The following RAB27B variants were observed in gnomAD, a reference collection of about 807,000 sequenced individuals.
RAB27B encodes the protein ras-related protein Rab-27B.
RAB27B carries 15 observed loss-of-function variants against 24.6 expected under a neutral mutation model. The observed-to-expected ratio is 0.61, with a 90% CI of 0.41 to 0.94. The LOEUF (loss-of-function observed/expected upper bound fraction) is 0.94. Among genes scored for constraint, RAB27B ranks in the 40% least tolerant of loss-of-function variants. The probability of loss-of-function intolerance (pLI) is 0.00; values close to 1 mark genes in which losing one functional copy is unlikely to be tolerated. For synonymous variants in RAB27B, 105 were observed against 92.5 expected (o/e 1.14, Z -0.78); for missense variants, 261 against 266.8 (o/e 0.98, Z 0.15).
At chr18:54,798,715 C>T (rs35622834) in intron 2 of RAB27B, among the ~76,000 whole-genome samples, 3 of 152,324 alleles carry the variant, frequency 2.0e-5, no homozygotes, top group African/African-American at 7.2e-5. Flanking sequence ...TCTGAAACTT[C>T]TAAGTTGCTA....
At chr18:54,743,307 A>G (rs1434831725) in intron 2 of RAB27B, among the ~76,000 whole-genome samples, 1 of 152,220 alleles carries the variant, frequency 6.6e-6, no homozygotes, top group Non-Finnish European at 1.5e-5. Context: ...CATTCAGCCC[A>G]TATTGATTGA....
chr18:54,868,240 C>A (rs959746761), intron 1 of RAB27B, among the ~76,000 whole-genome samples: 6 of 152,138 alleles, frequency 3.9e-5, no homozygotes, highest in African/African-American at 9.7e-5. Flanking sequence ...AGTCAGGAAC[C>A]TTGGCTGTGT....
At chr18:54,797,624 A>T (rs1460368470) in intron 2 of RAB27B, among the ~76,000 whole-genome samples, 3 of 152,202 alleles carry the variant, frequency 2.0e-5, no homozygotes, top group Admixed American at 2.0e-4. Flanking sequence ...CTAAATAAAC[A>T]TCTATCTGTC....
At chr18:54,880,984 A>G (rs995660354) in intron 3 of RAB27B, among the ~76,000 whole-genome samples, 1 of 152,180 alleles carries the variant, frequency 6.6e-6, no homozygotes, top group Non-Finnish European at 1.5e-5. Flanking sequence ...TCCATGTAAG[A>G]TAATGGGTAT....
intron 1 of RAB27B, among the ~76,000 whole-genome samples, chr18:54,838,638 T>G (rs534547223): frequency 6.6e-6 from 1 of 152,264 alleles, no homozygotes; most frequent in East Asian, 1.9e-4. Flanking sequence ...TCTGAACAAA[T>G]ATGTTTTTCA....
At position 54,767,385 on chromosome 18, in the gene RAB27B, T is replaced by C. The variant is rs541370715; in HGVS notation, c.-20+49244T>C. Among the ~76,000 whole-genome samples the C allele has an allele frequency of 7.3e-5, 11 of 151,264 alleles. No individual in the cohort carries two copies. In the South Asian group the frequency reaches 2.3e-3, roughly 32 times the overall value. On this transcript the variant is annotated intron_variant, in intron 2 of 4. Transcript: ENST00000586570. The stretch of plus-strand genomic sequence containing the variant: ...TAACTAAGATGGTTAAAGGTCATAG[T>C]ATAGTTATCAGGTGAGGTAATGGTC...
At chr18:54,747,357 C>T (rs1910286681) in intron 2 of RAB27B, among the ~76,000 whole-genome samples, 1 of 152,138 alleles carries the variant, frequency 6.6e-6, no homozygotes, top group Non-Finnish European at 1.5e-5. Flanking sequence ...ATATCTATGG[C>T]CTACTTCCAA....
chr18:54,728,062 G>A (rs1292521157), intron 2 of RAB27B, among the ~76,000 whole-genome samples: 1 of 152,160 alleles, frequency 6.6e-6, no homozygotes, highest in African/African-American at 2.4e-5. Flanking sequence ...CAGAAATAGA[G>A]GGGAGACTGA....
chr18:54,868,158 G>C (rs1240412453), intron 1 of RAB27B, among the ~76,000 whole-genome samples: 2 of 152,116 alleles, frequency 1.3e-5, no homozygotes, highest in East Asian at 3.8e-4. Flanking sequence ...CTAAGTGGGG[G>C]AGATGCCTCT....
chr18:54,839,736 G>A (rs12604231), intron 1 of RAB27B, among the ~76,000 whole-genome samples: 144,247 of 152,172 alleles, frequency 0.95, 68,865 homozygotes, highest in East Asian at 1. Context: ...TGAATGGTGA[G>A]TATCTGTTTG....
At chr18:54,820,033 G>A (rs1041602647) in intron 2 of RAB27B, among the ~76,000 whole-genome samples, 3 of 152,084 alleles carry the variant, frequency 2.0e-5, no homozygotes, top group African/African-American at 7.2e-5. Flanking sequence ...TGGACATATG[G>A]CTTGGTTCCA....
intron 2 of RAB27B, among the ~76,000 whole-genome samples, chr18:54,736,140 G>A (rs1393698423): frequency 6.6e-6 from 1 of 152,174 alleles, no homozygotes; most frequent in Admixed American, 6.6e-5. Context: ...ATAAAACTGA[G>A]TAGGGTCAAA....
At chr18:54,795,533 G>A (rs1323895314) in intron 2 of RAB27B, among the ~76,000 whole-genome samples, 1 of 152,218 alleles carries the variant, frequency 6.6e-6, no homozygotes. Context: ...TGTGAGAAGA[G>A]AGGAAGTAGA....
At chr18:54,800,001 G>C (rs1340567617) in intron 2 of RAB27B, among the ~76,000 whole-genome samples, 1 of 152,142 alleles carries the variant, frequency 6.6e-6, no homozygotes, top group Non-Finnish European at 1.5e-5. Context: ...GAAACAATCA[G>C]TAAGGACATC....
upstream of RAB27B, among the ~76,000 whole-genome samples, chr18:54,825,964 G>A (rs1187717900): frequency 6.6e-6 from 1 of 152,224 alleles, no homozygotes; most frequent in Non-Finnish European, 1.5e-5. Context: ...CAGGCATGCA[G>A]TGTATAGAAT....
chr18:54,799,420 T>G (rs577564324), intron 2 of RAB27B, among the ~76,000 whole-genome samples: 2 of 152,112 alleles, frequency 1.3e-5, no homozygotes, highest in Non-Finnish European at 2.9e-5. Flanking sequence ...GGTCATAAGA[T>G]ACTATACTAA....
chr18:54,809,508 C>A (rs1197394644), intron 2 of RAB27B, among the ~76,000 whole-genome samples: 1 of 152,116 alleles, frequency 6.6e-6, no homozygotes, highest in Non-Finnish European at 1.5e-5. Flanking sequence ...ACTAGGTCAC[C>A]TAAGTTGCAG....
chr18:54,831,740 C>T (rs1017854354), intron 1 of RAB27B, among the ~76,000 whole-genome samples: 3 of 151,514 alleles, frequency 2.0e-5, no homozygotes, highest in Admixed American at 6.6e-5. Context: ...CTGTGTGATT[C>T]GGTGGTCAAG....
intron 2 of RAB27B, among the ~76,000 whole-genome samples, chr18:54,802,604 T>A (rs1222408664): frequency 6.6e-6 from 1 of 152,230 alleles, no homozygotes; most frequent in East Asian, 1.9e-4. Flanking sequence ...ACTTCCCTAT[T>A]TTCCTAAACT....
Sources: gnomAD v4.1 joint callset for allele counts (sites outside exome capture counted in the v4.1 genomes callset) on GRCh38, gnomAD v4.1.1 for gene constraint, MANE v1.5 for transcripts, NCBI Gene and HGNC (gene_info 2026-07-23, HGNC 2026-07-21) for gene names.